The following AGBL1 variants were observed in gnomAD, a reference collection of about 807,000 sequenced individuals.
AGBL1 encodes cytosolic carboxypeptidase 4.
A neutral mutation model predicts 118.9 loss-of-function variants in AGBL1; 130 were observed. The observed-to-expected ratio is 1.09, with a 90% CI of 0.95 to 1.26. The LOEUF is 1.26. Ranked by LOEUF, AGBL1 falls within the 50% of genes most tolerant of loss-of-function variation. The probability of loss-of-function intolerance (pLI) is 0.00; values close to 1 mark genes in which losing one functional copy is unlikely to be tolerated. For synonymous variants in AGBL1, 555 were observed against 478.9 expected (o/e 1.16, Z -2.08); for missense variants, 1,584 against 1,298.1 (o/e 1.22, Z -3.38).
intron 13 of AGBL1, among the ~76,000 whole-genome samples, 191 bp from the exon 14 acceptor site, chr15:86,269,728 C>A (rs1336996056): frequency 6.6e-6 from 1 of 152,184 alleles, no homozygotes; most frequent in East Asian, 1.9e-4. Flanking sequence ...AGGAAGCCCC[C>A]TCACCTCCAT....
At chr15:86,525,889 C>G (rs1174424732) in intron 19 of AGBL1, among the ~76,000 whole-genome samples, 1 of 152,010 alleles carries the variant, frequency 6.6e-6, no homozygotes, top group Non-Finnish European at 1.5e-5. Flanking sequence ...AAACTAAGTA[C>G]CTTTTGCATG....
intron 23 of AGBL1, among the ~76,000 whole-genome samples, chr15:86,973,798 A>G (rs1436815140): frequency 2.6e-5 from 4 of 151,018 alleles, no homozygotes; most frequent in African/African-American, 9.7e-5. Flanking sequence ...ATTTCTGAAT[A>G]TATTTCTTCA....
intron 5 of AGBL1, among the ~76,000 whole-genome samples, chr15:86,178,771 A>G (rs945038202): frequency 6.6e-6 from 1 of 152,230 alleles, no homozygotes; most frequent in Non-Finnish European, 1.5e-5. Flanking sequence ...GCAGGCAAAG[A>G]CTTTACAAAG....
intron 23 of AGBL1, chr15:86,932,973 A>C (rs759663632): frequency 2.0e-5 from 3 of 152,200 alleles, no homozygotes; most frequent in Non-Finnish European, 4.4e-5. Context: ...GCTAAGTGTA[A>C]GTCATTCTTC....
chr15:86,875,272 T>C (rs935087037), intron 22 of AGBL1, among the ~76,000 whole-genome samples: 4 of 152,136 alleles, frequency 2.6e-5, no homozygotes, highest in African/African-American at 9.7e-5. Flanking sequence ...ATAAATAAGA[T>C]CTAGGTCTTA....
intron 18 of AGBL1, among the ~76,000 whole-genome samples, chr15:86,409,688 C>T (rs1009172304): frequency 2.0e-5 from 3 of 152,044 alleles, no homozygotes; most frequent in African/African-American, 7.2e-5. Flanking sequence ...TGATGGGTTT[C>T]CCCCCCTCAC....
chr15:86,975,285 G>T (rs2081163257), intron 23 of AGBL1, among the ~76,000 whole-genome samples: 1 of 152,048 alleles, frequency 6.6e-6, no homozygotes. Flanking sequence ...GAAGGTGAAG[G>T]AGGAGCAAAA....
intron 22 of AGBL1, among the ~76,000 whole-genome samples, chr15:86,750,773 C>T (rs370043486): frequency 1.3e-5 from 2 of 151,880 alleles, no homozygotes; most frequent in African/African-American, 2.4e-5. Context: ...TATTTTTTCT[C>T]GTCCTTTGCC....
intron 22 of AGBL1, among the ~76,000 whole-genome samples, chr15:86,858,791 T>A (rs2079521144): frequency 6.6e-6 from 1 of 152,116 alleles, no homozygotes; most frequent in Admixed American, 6.5e-5. Context: ...GAGTGTGTAC[T>A]TGTATGTGAA....
intron 18 of AGBL1, among the ~76,000 whole-genome samples, chr15:86,401,445 C>A (rs1387319912): frequency 6.6e-6 from 1 of 152,092 alleles, no homozygotes; most frequent in Non-Finnish European, 1.5e-5. Flanking sequence ...TGTGCAGGAG[C>A]TTTTTAGTTT....
intron 1 of AGBL1, among the ~76,000 whole-genome samples, chr15:86,083,041 C>G (rs930361600): frequency 1.3e-5 from 2 of 152,206 alleles, no homozygotes; most frequent in African/African-American, 4.8e-5. Context: ...GAGAATACAT[C>G]TGAAAAGCGC....
chr15:86,960,909 A>T (rs1431252059), intron 23 of AGBL1, among the ~76,000 whole-genome samples: 1 of 152,050 alleles, frequency 6.6e-6, no homozygotes, highest in Non-Finnish European at 1.5e-5. Context: ...ATGGGATAGA[A>T]TGGTTATTGC....
intron 5 of AGBL1, among the ~76,000 whole-genome samples, chr15:86,168,947 A>G (rs927252629): frequency 6.6e-6 from 1 of 152,168 alleles, no homozygotes; most frequent in African/African-American, 2.4e-5. Context: ...GTCTACTAAG[A>G]TATTAGTGTT....
Position 86,164,321 on chromosome 15 carries a change from G to A in AGBL1, c.488+5295G>A, listed in dbSNP as rs185959057. On this transcript the variant is annotated intron_variant, in intron 5 of 22. Transcript: ENST00000614907. ...GGCCAGAGTGTGCTACCTCTTGCTC[G>A]TTTGTTCCACTGTGGACAAGCTTGT... is the stretch of plus-strand genomic sequence containing the variant. Among the ~76,000 whole-genome samples, 6 of 152,266 alleles carry A rather than the reference G, an allele frequency of 3.9e-5. No homozygotes were observed. In the East Asian group the frequency reaches 5.8e-4, roughly 15 times the overall value.
At chr15:86,801,317 C>CTATCTATG (rs780519413) in intron 22 of AGBL1, among the ~76,000 whole-genome samples, 1 of 134,044 alleles carries the variant, frequency 7.5e-6, no homozygotes, top group Non-Finnish European at 1.6e-5. Flanking sequence ...TTACATCTAT[C>CTATCTATG]TATCTATCTA....
chr15:86,170,811 A>G (rs942121530), intron 5 of AGBL1, among the ~76,000 whole-genome samples: 1 of 151,766 alleles, frequency 6.6e-6, no homozygotes, highest in Non-Finnish European at 1.5e-5. Context: ...ACACCACTGC[A>G]CTCCAGCCTG....
Position 86,913,557 on chromosome 15 carries a change from A to C in AGBL1, c.*6263A>C, listed in dbSNP as rs1195972898. Reference sequence around the variant, plus strand: ...GACAAGTAGTTAAACAGAGGAGAGCACTGACTGTTTACAAGGCTGAAGCAG... The same window carrying C: ...GACAAGTAGTTAAACAGAGGAGAGCCCTGACTGTTTACAAGGCTGAAGCAG... On this transcript the variant is annotated 3_prime_UTR_variant, in exon 23 of 23. Coordinates refer to ENST00000614907, the MANE Select transcript of AGBL1 (RefSeq NM_001386094.1). 1 of 152,194 alleles carries C rather than the reference A, an allele frequency of 6.6e-6. No individual in the cohort carries two copies. Among genetic ancestry groups the C allele is most frequent in the African/African-American group, 2.4e-5 (1 of 41,448 alleles). The allele number at this position is 152,194 out of a possible 1,614,324, so 9.4% of individuals were successfully genotyped here.
rs1267719980 is a variant in AGBL1, at chr15:86,912,983, G to A, written c.*5689G>A. 2 of 152,014 alleles carry A rather than the reference G, an allele frequency of 1.3e-5. No homozygotes were observed. The highest frequency in any genetic ancestry group is 2.9e-5 in the Non-Finnish European group (2 of 68,008). The allele number at this position is 152,014 out of a possible 1,614,324, so 9.4% of individuals were successfully genotyped here. On this transcript the variant is annotated 3_prime_UTR_variant, in exon 23 of 23. Coordinates refer to ENST00000614907, the MANE Select transcript of AGBL1 (RefSeq NM_001386094.1). ...CCTCTTTTGTTTGTGTTGCAGTTTG[G>A]TTCATGCTACCAATGCTTGATAAAA...
intron 17 of AGBL1, among the ~76,000 whole-genome samples, chr15:86,395,318 C>T (rs1179137517): frequency 6.6e-6 from 1 of 151,858 alleles, no homozygotes; most frequent in Non-Finnish European, 1.5e-5. Flanking sequence ...GGCATATGTC[C>T]CTTTCTTTGT....
Sources: allele counts gnomAD v4.1 joint callset (sites outside exome capture counted in the v4.1 genomes callset), GRCh38; gene constraint gnomAD v4.1.1; transcripts MANE v1.5; gene names NCBI Gene and HGNC (gene_info 2026-07-23, HGNC 2026-07-21).